The following PLXNA4 variants were observed in gnomAD, a reference collection of about 807,000 sequenced individuals.
PLXNA4 encodes the protein plexin-A4.
PLXNA4 carries 44 observed loss-of-function variants against 191.8 expected under a neutral mutation model. The observed-to-expected ratio is 0.23, with a 90% CI of 0.18 to 0.29. PLXNA4 has a LOEUF of 0.29. Among genes scored for constraint, PLXNA4 ranks in the 10% least tolerant of loss-of-function variants. PLXNA4 has a pLI of 1.00. For missense variants in PLXNA4, 1,800 were observed against 2,488.8 expected (o/e 0.72, Z 5.89); for synonymous variants, 1,082 against 1,009.5 (o/e 1.07, Z -1.36).
chr7:132,366,773 CT>C (rs1563059811), intron 3 of PLXNA4, among the ~76,000 whole-genome samples: 1 of 152,042 alleles, frequency 6.6e-6, no homozygotes, highest in Non-Finnish European at 1.5e-5. Context: ...TTTAAAAAAA[CT>C]TTTTTGAGAC....
chr7:132,169,384 A>T (rs35253793), intron 21 of PLXNA4, among the ~76,000 whole-genome samples: 1 of 151,834 alleles, frequency 6.6e-6, no homozygotes, highest in Admixed American at 6.6e-5. Context: ...CACCTCTGAG[A>T]TGTCCAGGGG....
chr7:132,595,781 G>A (rs771718972), intron 2 of PLXNA4, among the ~76,000 whole-genome samples: 1 of 152,124 alleles, frequency 6.6e-6, no homozygotes, highest in Non-Finnish European at 1.5e-5. Context: ...AACTGTTTAA[G>A]ATTAATAAAA....
intron 16 of PLXNA4, among the ~76,000 whole-genome samples, chr7:132,182,677 T>G (rs571302558): frequency 1.1e-4 from 17 of 152,146 alleles, no homozygotes; most frequent in Non-Finnish European, 2.5e-4. Flanking sequence ...TTCTATAATT[T>G]TCTATCTTGG....
intron 23 of PLXNA4, 137 bp from the exon 24 acceptor site, chr7:132,164,425 C>A (rs1796039415): frequency 1.6e-6 from 2 of 1,285,312 alleles, no homozygotes; most frequent in Non-Finnish European, 2.1e-6. Flanking sequence ...ATACTCAGCT[C>A]TTCAATCTCC....
chr7:132,289,134 T>C (rs1166542272), intron 4 of PLXNA4, among the ~76,000 whole-genome samples: 1 of 152,122 alleles, frequency 6.6e-6, no homozygotes, highest in Non-Finnish European at 1.5e-5. Flanking sequence ...ACCTCTTCCC[T>C]CCAGAGAGGC....
At chr7:132,445,530 A>G (rs939163755) in intron 3 of PLXNA4, among the ~76,000 whole-genome samples, 7 of 151,948 alleles carry the variant, frequency 4.6e-5, no homozygotes, top group Non-Finnish European at 8.8e-5. Context: ...CCATAGTGTG[A>G]ACCAGAATTT....
intron 1 of PLXNA4, among the ~76,000 whole-genome samples, chr7:132,517,577 G>A (rs550745215): frequency 9.1e-4 from 138 of 152,302 alleles, no homozygotes; most frequent in African/African-American, 3.1e-3. Context: ...GGATTCAAAC[G>A]TAATGCTGGG....
rs1794761534 is a variant in PLXNA4 at position 132,126,093 on chromosome 7, AAAG to A, written c.*4383_*4385del. 6.6e-6 allele frequency: 1 copy of A among 152,412 alleles called. No individual in the cohort carries two copies. Among genetic ancestry groups the A allele is most frequent in the Non-Finnish European group, 1.5e-5 (1 of 68,218 alleles). 9.4% of individuals were successfully genotyped at this position (152,412 alleles called of 1,614,324 possible). A position where few individuals can be genotyped will look rare whatever the true frequency, so the allele number is the denominator to read the frequency against. ...ATTACTGTGTCCCCTTGGTCCTGGG[AAAG>A]AAGACAGATGGAAATTGAGCTTTTC... On this transcript the variant is annotated 3_prime_UTR_variant, in exon 32 of 32. Transcript: ENST00000321063.
chr7:132,482,121 A>G (rs1248837780), intron 3 of PLXNA4, among the ~76,000 whole-genome samples: 2 of 152,154 alleles, frequency 1.3e-5, no homozygotes, highest in African/African-American at 2.4e-5. Flanking sequence ...AGCCTCCAAC[A>G]TAGCCCCCAG....
intron 22 of PLXNA4, among the ~76,000 whole-genome samples, chr7:132,166,751 C>T (rs180829633): frequency 3.3e-5 from 5 of 151,544 alleles, no homozygotes; most frequent in East Asian, 3.9e-4. Context: ...GAGACCACGC[C>T]AGAAAGTTGT....
At chr7:132,390,764 T>C (rs935312255) in intron 3 of PLXNA4, among the ~76,000 whole-genome samples, 1 of 152,110 alleles carries the variant, frequency 6.6e-6, no homozygotes. Context: ...AGCCCCACCC[T>C]GCCTTTCAGC....
intron 25 of PLXNA4, among the ~76,000 whole-genome samples, chr7:132,152,847 A>T: frequency 6.6e-6 from 1 of 152,130 alleles, no homozygotes; most frequent in East Asian, 1.9e-4. Flanking sequence ...ACAAAAGAGG[A>T]CACCTACAGT....
chr7:132,557,719 G>T (rs1312917956), intron 1 of PLXNA4, among the ~76,000 whole-genome samples: 3 of 152,010 alleles, frequency 2.0e-5, no homozygotes, highest in African/African-American at 4.8e-5. Flanking sequence ...CAACTCATTA[G>T]GTGCTCTGTT....
chr7:132,414,929 A>G (rs576117268), intron 3 of PLXNA4, among the ~76,000 whole-genome samples: 14 of 152,268 alleles, frequency 9.2e-5, no homozygotes, highest in African/African-American at 3.1e-4. Flanking sequence ...CAAGGACAAC[A>G]AATCCTCTCC....
chr7:132,226,031 A>C, intron 8 of PLXNA4, 130 bp downstream of exon 8: 1 of 768,848 alleles, frequency 1.3e-6, no homozygotes, highest in South Asian at 1.7e-5. Flanking sequence ...GTACCAGAGG[A>C]GAGGGAGTGA....
intron 1 of PLXNA4, among the ~76,000 whole-genome samples, chr7:132,568,536 G>GT (rs1801837927): frequency 6.6e-6 from 1 of 152,110 alleles, no homozygotes; most frequent in Admixed American, 6.5e-5. Flanking sequence ...CCCAATTTAT[G>GT]TATCTGCCCA....
intron 3 of PLXNA4, among the ~76,000 whole-genome samples, chr7:132,474,212 TCTCA>T (rs767472348): frequency 9.9e-6 from 1 of 100,986 alleles, no homozygotes; most frequent in Non-Finnish European, 1.9e-5. Context: ...GATCTCTCTG[TCTCA>T]CACACACACA....
intron 3 of PLXNA4, among the ~76,000 whole-genome samples, chr7:132,423,630 A>G (rs1411862944): frequency 6.6e-6 from 1 of 152,164 alleles, no homozygotes; most frequent in Non-Finnish European, 1.5e-5. Context: ...AAAAAAGCTG[A>G]GGAATCTGTT....
At chr7:132,633,115 G>C (rs1259962269) in intron 2 of PLXNA4, among the ~76,000 whole-genome samples, 1 of 152,110 alleles carries the variant, frequency 6.6e-6, no homozygotes, top group East Asian at 1.9e-4. Flanking sequence ...AGGGCAGTCA[G>C]TATGTAGGGG....
Sources: gnomAD v4.1 joint callset for allele counts (sites outside exome capture counted in the v4.1 genomes callset) on GRCh38, gnomAD v4.1.1 for gene constraint, MANE v1.5 for transcripts, NCBI Gene and HGNC (gene_info 2026-07-23, HGNC 2026-07-21) for gene names.